NHERF2: variants seen among roughly 807,000 people sequenced by gnomAD.
NHERF2 encodes NHERF family PDZ scaffold protein 2.
chr16:2,032,010 A>ATTTC, the NHERF2 span, among the ~76,000 whole-genome samples: 1 of 142,432 alleles, frequency 7.0e-6, no homozygotes, highest in African/African-American at 2.6e-5. This position sits in a 1 kb window ranked among gnomAD's most constrained non-coding sequence, Gnocchi z 4.0. Context: ...CTGAGGTTTC[A>ATTTC]TTTCTTTCTT....
At chr16:2,038,205 G>A in the NHERF2 span, 28 of 603,696 alleles carry the variant, frequency 4.6e-5, no homozygotes, top group African/African-American at 4.4e-4. Flanking sequence ...ATGTGAGAGA[G>A]AGTCAGAGAC....
the NHERF2 span, among the ~76,000 whole-genome samples, chr16:2,030,450 C>T: frequency 1.3e-5 from 2 of 152,128 alleles, no homozygotes; most frequent in Non-Finnish European, 2.9e-5. Flanking sequence ...CCCTTGCTCC[C>T]AGCCAGGAGA....
At chr16:2,030,949 A>G in the NHERF2 span, among the ~76,000 whole-genome samples, 1 of 152,110 alleles carries the variant, frequency 6.6e-6, no homozygotes, top group Non-Finnish European at 1.5e-5. Flanking sequence ...AAAAAAAAAC[A>G]AAAAAAGGAA....
At chr16:2,030,769 C>T in the NHERF2 span, among the ~76,000 whole-genome samples, 13 of 152,054 alleles carry the variant, frequency 8.5e-5, no homozygotes, top group South Asian at 1.5e-3. Context: ...GTGAAACCCC[C>T]GTCTCTACTA....
the NHERF2 span, among the ~76,000 whole-genome samples, chr16:2,031,997 G>A: frequency 6.6e-6 from 1 of 151,396 alleles, no homozygotes. Context: ...CGGCCCCTGA[G>A]GTCTGAGGTT....
At chr16:2,027,256 C>G in the NHERF2 span, 16 of 1,219,154 alleles carry the variant, frequency 1.3e-5, no homozygotes, top group Admixed American at 1.7e-4. Context: ...GCCGCCCCCT[C>G]CCCGAGCGCG....
At chr16:2,027,152 G>T in the NHERF2 span, 3 of 1,475,354 alleles carry the variant, frequency 2.0e-6, no homozygotes, top group African/African-American at 2.9e-5. Context: ...AGGCCGCCGC[G>T]CTGCGCGCTG....
the NHERF2 span, among the ~76,000 whole-genome samples, chr16:2,031,407 C>T: frequency 2.6e-5 from 4 of 152,200 alleles, no homozygotes; most frequent in Non-Finnish European, 5.9e-5. Context: ...GAAGCTCCCC[C>T]TCTGCCTCAG....
At chr16:2,038,549 G>C in the NHERF2 span, 2 of 346,308 alleles carry the variant, frequency 5.8e-6, no homozygotes, top group East Asian at 2.6e-4. Flanking sequence ...GGACTTCCCA[G>C]TGGCCAAGTT....
chr16:2,036,943 C>A, the NHERF2 span: 242 of 1,565,186 alleles, frequency 1.5e-4, no homozygotes, highest in Non-Finnish European at 1.3e-4. Flanking sequence ...CACTGACACG[C>A]TGTCCCCACA....
At chr16:2,033,060 C>CAG in the NHERF2 span, 1 of 1,304,470 alleles carries the variant, frequency 7.7e-7, no homozygotes. Flanking sequence ...TCCTCCCTGT[C>CAG]CCCTCAGCCC....
At chr16:2,036,890 C>T in the NHERF2 span, 16 of 1,603,284 alleles carry the variant, frequency 1.0e-5, no homozygotes, top group African/African-American at 1.1e-4. Context: ...AGGTGGGCCA[C>T]GGCCCAGGGC....
At chr16:2,029,482 C>T in the NHERF2 span, 31 of 1,147,528 alleles carry the variant, frequency 2.7e-5, no homozygotes, top group Middle Eastern at 2.8e-4. Flanking sequence ...GCAGACCAGC[C>T]GCCTGTCCGC....
At chr16:2,029,753 G>T in the NHERF2 span, 1 of 1,287,182 alleles carries the variant, frequency 7.8e-7, no homozygotes, top group East Asian at 5.6e-5. Context: ...GGCACACACC[G>T]GCAGCCACAG....
chr16:2,030,659 C>T, the NHERF2 span, among the ~76,000 whole-genome samples: 1 of 149,746 alleles, frequency 6.7e-6, no homozygotes, highest in African/African-American at 2.5e-5. Flanking sequence ...AGAACCCTGG[C>T]CGGGTGCGGT....
At chr16:2,036,824 G>A in the NHERF2 span, 179 of 1,613,184 alleles carry the variant, frequency 1.1e-4, no homozygotes, top group South Asian at 1.3e-3. Context: ...CGTGGACCCC[G>A]AGACAGATGA....
chr16:2,037,483 C>T, the NHERF2 span: 13 of 1,453,586 alleles, frequency 8.9e-6, no homozygotes, highest in Middle Eastern at 3.4e-4. Context: ...CACATGTGTG[C>T]GTGTGCAGGT....
chr16:2,032,070 A>G, the NHERF2 span, among the ~76,000 whole-genome samples: 1 of 140,224 alleles, frequency 7.1e-6, no homozygotes, highest in Admixed American at 7.4e-5. This position sits in a 1 kb window ranked among gnomAD's most constrained non-coding sequence, Gnocchi z 4.0. Flanking sequence ...CCCAGGCTGG[A>G]GTGCTGTGGT....
the NHERF2 span, chr16:2,033,478 C>T: frequency 3.4e-5 from 51 of 1,493,062 alleles, no homozygotes; most frequent in African/African-American, 4.2e-5. Context: ...AACCGGCAGC[C>T]GCTCAGCCTC....
Sources: gnomAD v4.1 joint callset for allele counts (sites outside exome capture counted in the v4.1 genomes callset) on GRCh38, gnomAD v4.1.1 for gene constraint, Gnocchi (gnomAD v3.1) non-coding constraint, MANE v1.5 for transcripts, NCBI Gene and HGNC (gene_info 2026-07-23, HGNC 2026-07-21) for gene names.